SH2D4A: variants seen among roughly 807,000 people sequenced by gnomAD.
SH2D4A encodes the protein SH2 domain-containing protein 4A.
In SH2D4A, 70 loss-of-function variants were observed where a neutral mutation model predicts 64.7. That is an observed-to-expected ratio of 1.08 (90% CI 0.89 to 1.32). The LOEUF (loss-of-function observed/expected upper bound fraction) is 1.32, where lower values mean the gene tolerates loss of function less well. Among genes scored for constraint, SH2D4A ranks in the 40% most tolerant of loss-of-function variants. The pLI is 0.00. For synonymous variants in SH2D4A, 268 were observed against 200.7 expected (o/e 1.34, Z -2.83); for missense variants, 706 against 540.1 (o/e 1.31, Z -3.04).
chr8:19,394,495 G>T, intron 9 of SH2D4A, 55 bp from the exon 10 acceptor site: 1 of 1,229,552 alleles, frequency 8.1e-7, no homozygotes, highest in South Asian at 1.5e-5. Context: ...GAGGAAGTAG[G>T]AAGAGCATGT....
Position 19,363,017 on chromosome 8 carries a change from A to AT in SH2D4A, c.707-1046dup, listed in dbSNP as rs373762736. ...GGTAAGTGCCTTATGTAGAGGCACC[A>AT]TTTTTTTTTGTCCTCTATACCATAT... On this transcript the variant is annotated intron_variant, in intron 6 of 9. Coordinates refer to ENST00000265807, the MANE Select transcript of SH2D4A (RefSeq NM_022071.4). 8.4e-4 allele frequency among the ~76,000 whole-genome samples: 126 copies of AT among 150,608 alleles called. 1 individual carries two copies. The highest frequency in any genetic ancestry group is 3.4e-3 in the Middle Eastern group (1 of 294).
chr8:19,324,926 G>A (rs1439413919), intron 2 of SH2D4A, among the ~76,000 whole-genome samples: 2 of 152,024 alleles, frequency 1.3e-5, no homozygotes, highest in Non-Finnish European at 2.9e-5. Context: ...ACCTTTAAAC[G>A]TGAAACATCA....
At chr8:19,379,640 A>C (rs1186304580) in intron 8 of SH2D4A, among the ~76,000 whole-genome samples, 1 of 152,176 alleles carries the variant, frequency 6.6e-6, no homozygotes, top group African/African-American at 2.4e-5. Flanking sequence ...CCTTCCCACC[A>C]ACAGTGGCTA....
intron 8 of SH2D4A, among the ~76,000 whole-genome samples, chr8:19,388,356 C>T (rs1429856726): frequency 2.0e-5 from 3 of 152,188 alleles, no homozygotes; most frequent in African/African-American, 7.2e-5. Flanking sequence ...GCAGTGGAAG[C>T]ACATTGAACA....
chr8:19,375,755 A>G (rs1184693699), intron 8 of SH2D4A: 1 of 152,188 alleles, frequency 6.6e-6, no homozygotes, highest in Non-Finnish European at 1.5e-5. Context: ...TCTCACCAGA[A>G]AAAAAATGCT....
intron 2 of SH2D4A, among the ~76,000 whole-genome samples, chr8:19,319,974 C>A (rs1195670087): frequency 1.3e-5 from 2 of 152,168 alleles, no homozygotes; most frequent in Non-Finnish European, 2.9e-5. Context: ...TAACCTGAAG[C>A]TGTATTAAAA....
intron 7 of SH2D4A, among the ~76,000 whole-genome samples, chr8:19,366,278 CA>C (rs1441837133): frequency 1.3e-5 from 2 of 152,184 alleles, no homozygotes; most frequent in African/African-American, 2.4e-5. Flanking sequence ...TGAATCACCT[CA>C]AACACTTGTC....
intron 1 of SH2D4A, among the ~76,000 whole-genome samples, chr8:19,318,760 C>G (rs2117169208): frequency 6.6e-6 from 1 of 152,276 alleles, no homozygotes; most frequent in Admixed American, 6.5e-5. Flanking sequence ...TTACATTATC[C>G]TTTTGTGAAG....
At chr8:19,393,643 G>C (rs982001748) in intron 9 of SH2D4A, 102 bp downstream of exon 9, 31 of 1,152,152 alleles carry the variant, frequency 2.7e-5, no homozygotes, top group Middle Eastern at 5.6e-4. Flanking sequence ...ACAAGTACTG[G>C]GGAGGGGACA....
intron 4 of SH2D4A, among the ~76,000 whole-genome samples, chr8:19,335,143 C>CCAGG (rs1312066356): frequency 6.6e-6 from 1 of 152,008 alleles, no homozygotes; most frequent in Non-Finnish European, 1.5e-5. Flanking sequence ...AAAAAATTAG[C>CCAGG]TGGGCGTGGT....
chr8:19,350,392 T>C (rs2052682835), intron 4 of SH2D4A, among the ~76,000 whole-genome samples: 1 of 152,234 alleles, frequency 6.6e-6, no homozygotes, highest in South Asian at 2.1e-4. Context: ...TCAGCTATTG[T>C]TCATCGAATA....
chr8:19,389,004 C>A (rs1348717552), intron 8 of SH2D4A, among the ~76,000 whole-genome samples: 1 of 152,120 alleles, frequency 6.6e-6, no homozygotes, highest in African/African-American at 2.4e-5. Context: ...ACAGGTGAAA[C>A]CCTGCATTGA....
chr8:19,361,579 G>C (rs2052888965), intron 6 of SH2D4A, among the ~76,000 whole-genome samples: 1 of 152,158 alleles, frequency 6.6e-6, no homozygotes. Context: ...TGGAAAATAG[G>C]TTTTGGAGAG....
chr8:19,338,702 T>C (rs988927557), intron 4 of SH2D4A, among the ~76,000 whole-genome samples: 4 of 152,212 alleles, frequency 2.6e-5, no homozygotes, highest in African/African-American at 9.7e-5. Flanking sequence ...CGCAGCTCTG[T>C]TGACACCTTG....
chr8:19,345,538 C>T (rs988098821), intron 4 of SH2D4A, among the ~76,000 whole-genome samples: 4 of 152,194 alleles, frequency 2.6e-5, no homozygotes, highest in African/African-American at 9.6e-5. Context: ...AATTTTATTT[C>T]TGTAAATAAG....
chr8:19,361,023 C>G, intron 5 of SH2D4A, 180 bp from the exon 6 acceptor site: 1 of 438,414 alleles, frequency 2.3e-6, no homozygotes, highest in Non-Finnish European at 4.1e-6. Flanking sequence ...AATGGTCAGT[C>G]TTACTTCAGG....
intron 6 of SH2D4A, among the ~76,000 whole-genome samples, chr8:19,362,856 A>T (rs1585183274): frequency 6.6e-6 from 1 of 152,318 alleles, no homozygotes; most frequent in South Asian, 2.1e-4. Flanking sequence ...AATTTTATAA[A>T]TGTAGTGTAG....
At chr8:19,382,409 A>C (rs1424838975) in intron 8 of SH2D4A, among the ~76,000 whole-genome samples, 1 of 152,198 alleles carries the variant, frequency 6.6e-6, no homozygotes, top group Non-Finnish European at 1.5e-5. Context: ...CGTGATACAC[A>C]TTCCGTAAAA....
chr8:19,337,657 G>A (rs1459168089), intron 4 of SH2D4A, among the ~76,000 whole-genome samples: 3 of 152,146 alleles, frequency 2.0e-5, no homozygotes, highest in African/African-American at 7.2e-5. Context: ...AGCTGGGGAG[G>A]CCTCACAATC....
Sources: allele counts gnomAD v4.1 joint callset (sites outside exome capture counted in the v4.1 genomes callset), GRCh38; gene constraint gnomAD v4.1.1; transcripts MANE v1.5; gene names NCBI Gene and HGNC (gene_info 2026-07-23, HGNC 2026-07-21).